WDR89: variants seen among roughly 807,000 people sequenced by gnomAD.
The protein encoded by WDR89 is WD repeat-containing protein 89.
WDR89 carries 17 observed loss-of-function variants against 29.1 expected under a neutral mutation model. The observed-to-expected ratio is 0.58, with a 90% confidence interval of 0.40 to 0.88. The LOEUF (loss-of-function observed/expected upper bound fraction) is 0.88, where lower values mean the gene tolerates loss of function less well. Ranked by LOEUF, WDR89 falls within the 40% of genes least tolerant of loss-of-function variation. WDR89 has a pLI of 0.00. For missense variants in WDR89, 396 were observed against 456.3 expected, an observed-to-expected ratio of 0.87 and a Z score of 1.20; for synonymous variants, 138 against 157.8, an observed-to-expected ratio of 0.87 and a Z score of 0.94.
intron 2 of WDR89, among the ~76,000 whole-genome samples, chr14:63,614,044 G>A (rs1049914395): frequency 1.3e-5 from 2 of 152,008 alleles, no homozygotes; most frequent in Non-Finnish European, 2.9e-5. Flanking sequence ...CTAATATGCA[G>A]TAAATCTAGT....
chr14:63,629,663 A>G (rs1883272896), intron 1 of WDR89, among the ~76,000 whole-genome samples: 1 of 152,266 alleles, frequency 6.6e-6, no homozygotes, highest in African/African-American at 2.4e-5. Flanking sequence ...ATTGCTGATC[A>G]TAATGTGTGA....
intron 1 of WDR89, chr14:63,630,765 A>C (rs913556929): frequency 1.3e-5 from 2 of 151,860 alleles, no homozygotes; most frequent in African/African-American, 2.4e-5. Flanking sequence ...AAAATTCATG[A>C]AGTATTCCAT....
rs1242697665 is a variant in WDR89 at position 63,597,308 on chromosome 14, G to T, written c.*1471C>A. On this transcript the variant is annotated 3_prime_UTR_variant, in exon 3 of 3. Coordinates refer to ENST00000620954, the MANE Select transcript of WDR89 (RefSeq NM_080666.4). ...ACCAGGTCTCTCCCTAGACACATGGGGATTATGGGGATTACAATTCGAGAT... is the reference window on the plus strand; with the variant it reads ...ACCAGGTCTCTCCCTAGACACATGGTGATTATGGGGATTACAATTCGAGAT... 1 of 152,100 alleles carries T rather than the reference G, an allele frequency of 6.6e-6. No homozygotes were observed. Among genetic ancestry groups the T allele is most frequent in the African/African-American group, 2.4e-5 (1 of 41,420 alleles). 9.4% of individuals were successfully genotyped at this position (152,100 alleles called of 1,614,324 possible).
chr14:63,599,922 T>C lies in WDR89; in HGVS notation c.21A>G (p.Gln7=), dbSNP rs761781774. The C allele has an allele frequency of 1.7e-5, 28 of 1,601,532 alleles. 1 individual carries two copies. In the South Asian group the frequency reaches 2.7e-4, roughly 15 times the overall value. ...ATTTAACAATGTGCAGATTAGCAAA[T>C]TGTTCCTCAATCTTTTCCATGTCAA... MEKIEE[Q]FANLHIVKCS... Residue 7 remains glutamine, a synonymous_variant, in exon 3 of 3, where the codon CAA becomes CAG. Transcript: ENST00000620954.
At chr14:63,600,908 T>G (rs1212987011) in intron 2 of WDR89, among the ~76,000 whole-genome samples, 1 of 152,130 alleles carries the variant, frequency 6.6e-6, no homozygotes, top group African/African-American at 2.4e-5. Context: ...TTATCTGTTA[T>G]CACCGTGGCC....
chr14:63,607,478 T>C (rs557173016), intron 2 of WDR89, among the ~76,000 whole-genome samples: 4 of 151,788 alleles, frequency 2.6e-5, no homozygotes, highest in African/African-American at 9.7e-5. Flanking sequence ...GTGCATGGAG[T>C]AGAGAACAGT....
chr14:63,602,778 A>AG (rs1314533276), intron 2 of WDR89, among the ~76,000 whole-genome samples: 18 of 152,104 alleles, frequency 1.2e-4, no homozygotes, highest in Non-Finnish European at 2.5e-4. Flanking sequence ...ATCTCAAAAA[A>AG]AAAAAAAAAG....
chr14:63,636,773 G>A (rs1354242841), intron 1 of WDR89, among the ~76,000 whole-genome samples: 1 of 152,090 alleles, frequency 6.6e-6, no homozygotes, highest in Non-Finnish European at 1.5e-5. Context: ...AACTCAAGAT[G>A]GATTAAGGAC....
chr14:63,629,906 G>A (rs1883290580), intron 1 of WDR89, among the ~76,000 whole-genome samples: 1 of 152,142 alleles, frequency 6.6e-6, no homozygotes, highest in Non-Finnish European at 1.5e-5. Flanking sequence ...TAAATGAATT[G>A]GAAGGGGTCG....
intron 2 of WDR89, among the ~76,000 whole-genome samples, chr14:63,619,580 C>CA (rs1232646539): frequency 4.0e-5 from 6 of 151,790 alleles, no homozygotes; most frequent in Non-Finnish European, 7.4e-5. Flanking sequence ...TAAAAGCAAA[C>CA]AAAAAAACTA....
chr14:63,606,587 A>G (rs1895334483), intron 2 of WDR89, among the ~76,000 whole-genome samples: 1 of 152,120 alleles, frequency 6.6e-6, no homozygotes, highest in Non-Finnish European at 1.5e-5. Flanking sequence ...CATACCGTAC[A>G]GCTCAAGTAT....
intron 1 of WDR89, among the ~76,000 whole-genome samples, chr14:63,636,847 TG>T (rs1883768057): frequency 6.6e-6 from 1 of 152,232 alleles, no homozygotes; most frequent in East Asian, 1.9e-4. Context: ...TTCTAGACAT[TG>T]GCTTAGGCAA....
chr14:63,637,567 T>A (rs886293154), intron 1 of WDR89, among the ~76,000 whole-genome samples: 1 of 152,124 alleles, frequency 6.6e-6, no homozygotes, highest in Non-Finnish European at 1.5e-5. Context: ...TGTGTGTGTG[T>A]ATATATATGT....
Position 63,599,006 on chromosome 14 carries a change from C to CA in WDR89, c.936dup (p.Val313CysfsTer3). The CA allele has an allele frequency of 6.2e-7, 1 of 1,614,216 alleles. No individual in the cohort carries two copies. The highest frequency in any genetic ancestry group is 8.5e-7 in the Non-Finnish European group (1 of 1,180,024). ...GCATGCCCTCCCTGAAGGCTAGTCA[C>CA]ATGGGTCAGTCCTGACATGCTGCAG... On this transcript the variant is annotated frameshift_variant, in exon 3 of 3. Transcript: ENST00000620954. LOFTEE classifies it high-confidence loss of function.
At chr14:63,636,503 TG>T (rs1053305967) in intron 1 of WDR89, among the ~76,000 whole-genome samples, 3 of 152,308 alleles carry the variant, frequency 2.0e-5, no homozygotes, top group Admixed American at 6.5e-5. Flanking sequence ...TCACACTAAC[TG>T]ATTTCAAACT....
At chr14:63,627,146 A>ACTCTCTCTCTCT (rs1226820529) in intron 1 of WDR89, among the ~76,000 whole-genome samples, 57 of 130,566 alleles carry the variant, frequency 4.4e-4, no homozygotes, top group African/African-American at 1.7e-3. Flanking sequence ...ACACACACAC[A>ACTCTCTCTCTCT]CACACTCTCT....
intron 2 of WDR89, among the ~76,000 whole-genome samples, chr14:63,616,252 ACT>A (rs1233294290): frequency 1.3e-5 from 2 of 151,988 alleles, no homozygotes; most frequent in African/African-American, 4.8e-5. Flanking sequence ...TGACAGTGAG[ACT>A]CTGTCTCAAT....
chr14:63,615,898 T>G (rs1025238810), intron 2 of WDR89, among the ~76,000 whole-genome samples: 7 of 150,080 alleles, frequency 4.7e-5, no homozygotes, highest in Admixed American at 3.3e-4. Flanking sequence ...CACTCCAGCC[T>G]TGGCGACAGA....
intron 2 of WDR89, among the ~76,000 whole-genome samples, chr14:63,619,282 C>T (rs1292777534): frequency 6.6e-6 from 1 of 152,220 alleles, no homozygotes; most frequent in East Asian, 1.9e-4. Flanking sequence ...TAAATGTTAA[C>T]TATAGTAACA....
Sources: allele counts gnomAD v4.1 joint callset (sites outside exome capture counted in the v4.1 genomes callset), GRCh38; gene constraint gnomAD v4.1.1; transcripts MANE v1.5; gene names NCBI Gene and HGNC (gene_info 2026-07-23, HGNC 2026-07-21).